The following ENPP1 variants were observed in gnomAD, a reference collection of about 807,000 sequenced individuals.
ENPP1 encodes the protein ectonucleotide pyrophosphatase/phosphodiesterase family member 1.
Under a neutral mutation model 122.8 loss-of-function variants are expected in ENPP1, and 73 were observed. That is an observed-to-expected ratio of 0.59 (90% CI 0.49 to 0.72). The LOEUF (loss-of-function observed/expected upper bound fraction) is 0.72. Ranked by LOEUF, ENPP1 falls within the 30% of genes least tolerant of loss-of-function variation. The probability of loss-of-function intolerance (pLI) is 0.00; values close to 1 mark genes in which losing one functional copy is unlikely to be tolerated. For missense variants in ENPP1, 978 were observed against 1,128.1 expected (o/e 0.87, Z 1.91); for synonymous variants, 367 against 391.6 (o/e 0.94, Z 0.74).
At chr6:131,824,270 C>T (rs990025845) in intron 1 of ENPP1, among the ~76,000 whole-genome samples, 2 of 151,916 alleles carry the variant, frequency 1.3e-5, no homozygotes, top group East Asian at 1.9e-4. Flanking sequence ...AAGTGACAGG[C>T]GAGCAGAAGA....
chr6:131,869,683 A>G (rs1322341354), intron 13 of ENPP1, among the ~76,000 whole-genome samples, 194 bp downstream of exon 13: 6 of 151,578 alleles, frequency 4.0e-5, no homozygotes, highest in South Asian at 2.1e-4. Flanking sequence ...ATACTATACT[A>G]TATCTATACT....
chr6:131,865,994 CAA>C (rs1554203830), intron 11 of ENPP1, among the ~76,000 whole-genome samples: 14 of 92,460 alleles, frequency 1.5e-4, no homozygotes, highest in Admixed American at 2.0e-4. Flanking sequence ...GACTCTGTCT[CAA>C]AAAAAAAAAA....
rs187512436 is a variant in ENPP1 at position 131,837,378 on chromosome 6, T to C, written c.241-10398T>C. On this transcript the variant is annotated intron_variant, in intron 1 of 24. Coordinates refer to ENST00000647893, the MANE Select transcript of ENPP1 (RefSeq NM_006208.3). The stretch of plus-strand genomic sequence containing the variant: ...CCGTCTCTACTAAAAATACAAAACT[T>C]AGCCGGGTGTGGTGGCGCATGCCTG... Among the ~76,000 whole-genome samples the C allele has an allele frequency of 3.3e-5, 5 of 151,914 alleles. No individual in the cohort carries two copies. In the East Asian group the frequency reaches 9.7e-4, roughly 29 times the overall value.
In ENPP1 at chr6:131,879,921, A is replaced by G. The variant is rs776683717; in HGVS notation, c.1987A>G (p.Arg663Gly). ...TGAAACTTTACCCTATGGAAGACCT[A>G]GAGTTCTCCAGAAGGAAAACACCAT... ...KHETLPYGRP[R>G]VLQKENTICL... is the part of the protein sequence containing the mutation. Residue 663 changes from arginine to glycine, a missense_variant, in exon 20 of 25, where the codon AGA becomes GGA. By Grantham distance (125) the Arg-to-Gly change is moderately radical (BLOSUM62 -2). This residue lies in a region of ENPP1 where 644 missense variants were observed against 781.5 expected (regional missense o/e 0.82). Coordinates refer to ENST00000647893, the MANE Select transcript of ENPP1 (RefSeq NM_006208.3). 1 of 1,613,772 alleles carries G rather than the reference A, an allele frequency of 6.2e-7. No individual in the cohort carries two copies. The highest frequency in any genetic ancestry group is 1.1e-5 in the South Asian group (1 of 91,070).
intron 1 of ENPP1, among the ~76,000 whole-genome samples, chr6:131,829,867 G>A (rs1304413043): frequency 1.4e-4 from 21 of 152,170 alleles, no homozygotes; most frequent in Admixed American, 1.4e-3. Flanking sequence ...GGAGGACAAG[G>A]TAGATACATT....
intron 9 of ENPP1, among the ~76,000 whole-genome samples, chr6:131,863,979 T>A (rs1782056418): frequency 6.6e-6 from 1 of 152,158 alleles, no homozygotes; most frequent in South Asian, 2.1e-4. Flanking sequence ...GTATATGATC[T>A]CTTGGCTTTT....
At chr6:131,887,863 C>CTT (rs1195117417) in intron 24 of ENPP1, among the ~76,000 whole-genome samples, 1 of 133,850 alleles carries the variant, frequency 7.5e-6, no homozygotes, top group African/African-American at 3.0e-5. Flanking sequence ...CCGTGCCTGG[C>CTT]CTTTTTTTTT....
At chr6:131,845,839 A>G (rs1436116121) in intron 1 of ENPP1, among the ~76,000 whole-genome samples, 1 of 152,114 alleles carries the variant, frequency 6.6e-6, no homozygotes. Flanking sequence ...TTCTCTTCTG[A>G]TACCTTGTTC....
At chr6:131,860,928 T>A (rs1168340161) in intron 8 of ENPP1, among the ~76,000 whole-genome samples, 1 of 152,182 alleles carries the variant, frequency 6.6e-6, no homozygotes, top group East Asian at 1.9e-4. Flanking sequence ...ATTTTTAAAA[T>A]TCTCCAATTC....
chr6:131,833,918 C>T (rs934514977), intron 1 of ENPP1, among the ~76,000 whole-genome samples: 11 of 152,150 alleles, frequency 7.2e-5, no homozygotes, highest in Non-Finnish European at 1.5e-4. Context: ...ATAGAAGTTC[C>T]AGTGGCTGGA....
At chr6:131,831,136 AAG>A (rs1554276922) in intron 1 of ENPP1, among the ~76,000 whole-genome samples, 9 of 148,846 alleles carry the variant, frequency 6.0e-5, no homozygotes, top group African/African-American at 9.8e-5. Context: ...AAAAAAAAAA[AAG>A]AAAAGAAAAT....
intron 4 of ENPP1, among the ~76,000 whole-genome samples, chr6:131,851,663 A>G (rs556439852): frequency 2.3e-4 from 35 of 152,322 alleles, no homozygotes; most frequent in South Asian, 1.7e-3. Context: ...AAATGGGGAC[A>G]CTGTCTGCTG....
chr6:131,834,531 T>C (rs1781650127), intron 1 of ENPP1, among the ~76,000 whole-genome samples: 1 of 65,924 alleles, frequency 1.5e-5, no homozygotes. Context: ...TAATAGTCTT[T>C]TTTTTTTTTT....
intron 15 of ENPP1, among the ~76,000 whole-genome samples, chr6:131,873,539 A>T (rs1666897355): frequency 6.6e-6 from 1 of 152,020 alleles, no homozygotes; most frequent in Admixed American, 6.6e-5. Flanking sequence ...AGCACTTTAT[A>T]ATAATGAGTA....
At chr6:131,829,300 C>G (rs1781582639) in intron 1 of ENPP1, among the ~76,000 whole-genome samples, 1 of 152,218 alleles carries the variant, frequency 6.6e-6, no homozygotes, top group Admixed American at 6.5e-5. Context: ...TATTTAACGA[C>G]ATATCTTTCT....
At chr6:131,854,672 G>T (rs1194676044) in intron 5 of ENPP1, among the ~76,000 whole-genome samples, 1 of 152,036 alleles carries the variant, frequency 6.6e-6, no homozygotes, top group Non-Finnish European at 1.5e-5. Context: ...GGCTCAAAAT[G>T]ATATGAATGC....
At chr6:131,836,998 A>AC (rs1323957114) in intron 1 of ENPP1, among the ~76,000 whole-genome samples, 1 of 152,038 alleles carries the variant, frequency 6.6e-6, no homozygotes, top group African/African-American at 2.4e-5. Flanking sequence ...GTACTACCTT[A>AC]TGTGTGGATC....
intron 1 of ENPP1, among the ~76,000 whole-genome samples, chr6:131,818,777 G>A (rs1405607175): frequency 6.6e-6 from 1 of 152,136 alleles, no homozygotes; most frequent in Non-Finnish European, 1.5e-5. Flanking sequence ...CTGAAGTACT[G>A]TTTTCTAGAG....
At chr6:131,872,892 A>C (rs200620188) in intron 14 of ENPP1, 31 bp from the exon 15 acceptor site, 14 of 1,611,240 alleles carry the variant, frequency 8.7e-6, no homozygotes, top group Middle Eastern at 1.6e-4. Flanking sequence ...TTAGGGAAAT[A>C]ATAGTTTTTC....
Sources: gnomAD v4.1 joint callset for allele counts (sites outside exome capture counted in the v4.1 genomes callset) on GRCh38, gnomAD v4.1.1 for gene constraint, gnomAD v4.1.1 regional missense constraint, MANE v1.5 for transcripts, NCBI Gene and HGNC (gene_info 2026-07-23, HGNC 2026-07-21) for gene names.